RAB11FIP1: variants seen among roughly 807,000 people sequenced by gnomAD.
The protein encoded by RAB11FIP1 is RAB11 family interacting protein 1.
RAB11FIP1 carries 49 observed loss-of-function variants against 83.1 expected under a neutral mutation model. The observed-to-expected ratio is 0.59, with a 90% CI of 0.47 to 0.75. RAB11FIP1 has a LOEUF of 0.75. Ranked by LOEUF, RAB11FIP1 falls within the 30% of genes least tolerant of loss-of-function variation. RAB11FIP1 has a pLI of 0.00. For missense variants in RAB11FIP1, 1,536 were observed against 1,598.7 expected (o/e 0.96, Z 0.67); for synonymous variants, 670 against 656.0 (o/e 1.02, Z -0.33).
chr8:37,896,529 G>T (rs1807094740), intron 1 of RAB11FIP1, among the ~76,000 whole-genome samples: 2 of 152,088 alleles, frequency 1.3e-5, no homozygotes, highest in South Asian at 4.1e-4. Flanking sequence ...CATTTTCCTG[G>T]AAGTCAATAC....
intron 1 of RAB11FIP1, among the ~76,000 whole-genome samples, chr8:37,890,290 C>G (rs2130189007): frequency 6.6e-6 from 1 of 152,238 alleles, no homozygotes; most frequent in South Asian, 2.1e-4. Flanking sequence ...TTTCTAGAGG[C>G]CTTAATTGTT....
intron 1 of RAB11FIP1, among the ~76,000 whole-genome samples, chr8:37,892,323 GTCC>G (rs1166557569): frequency 6.6e-6 from 1 of 152,082 alleles, no homozygotes; most frequent in East Asian, 1.9e-4. Flanking sequence ...CATTTTGTCT[GTCC>G]AATTCTAGGT....
chr8:37,885,985 C>T (rs913716812), intron 1 of RAB11FIP1, among the ~76,000 whole-genome samples: 1 of 152,194 alleles, frequency 6.6e-6, no homozygotes, highest in Non-Finnish European at 1.5e-5. Flanking sequence ...CAGATATTCA[C>T]GATTACGCTG....
At chr8:37,877,084 C>T in intron 2 of RAB11FIP1, 25 bp downstream of exon 2, 1 of 1,552,664 alleles carries the variant, frequency 6.4e-7, no homozygotes, top group Non-Finnish European at 8.9e-7. Context: ...GAAGAGAGGT[C>T]AAGCAGGAAG....
intron 1 of RAB11FIP1, among the ~76,000 whole-genome samples, chr8:37,885,415 A>T (rs1001811659): frequency 1.3e-5 from 2 of 152,134 alleles, no homozygotes; most frequent in Non-Finnish European, 2.9e-5. Flanking sequence ...CAGTCTCCAT[A>T]CCAGAGACAA....
In RAB11FIP1 at chr8:37,875,229, C is replaced by G; in HGVS notation, c.908G>C (p.Gly303Ala). The change falls in exon 3 of 6, where the codon GGT becomes GCT. Residue 303 changes from glycine to alanine, a missense_variant. By Grantham distance (60) the Gly-to-Ala change is moderately conservative. Coordinates refer to ENST00000330843, the MANE Select transcript of RAB11FIP1 (RefSeq NM_001002814.3). ...GACATCATTCTTAGACCGAAGGCCA[C>G]CAAGAAAGGAAAGTCCTTCCTTCTT... ...LPKKEGLSFL[G>A]GLRSKNDVLS... The G allele has an allele frequency of 6.2e-7, 1 of 1,614,036 alleles. No individual in the cohort carries two copies. The highest frequency in any genetic ancestry group is 8.5e-7 in the Non-Finnish European group (1 of 1,179,988).
rs1201057232 is a variant in RAB11FIP1 at position 37,872,524 on chromosome 8, C to T, written c.2278G>A (p.Val760Met). ...RDLESQAGSL[V>M]ESKARDAAEE... The stretch of plus-strand genomic sequence containing the variant: ...GCTGCATCCCTGGCTTTGCTCTCCA[C>T]AAGAGACCCAGCCTGACTCTCCAAG... Residue 760 changes from valine (V) to methionine (M), a missense_variant, in exon 4 of 6, where the codon GTG (valine) becomes ATG (methionine). Val to Met is a conservative substitution (Grantham distance 21, BLOSUM62 1). Coordinates refer to ENST00000330843, the MANE Select transcript of RAB11FIP1 (RefSeq NM_001002814.3). 6 of 1,614,224 alleles carry T rather than the reference C, an allele frequency of 3.7e-6. No homozygotes were observed. Among genetic ancestry groups the T allele is most frequent in the South Asian group, 1.1e-5 (1 of 91,078 alleles).
At chr8:37,897,136 CTG>C (rs1176648590) in intron 1 of RAB11FIP1, among the ~76,000 whole-genome samples, 3 of 152,134 alleles carry the variant, frequency 2.0e-5, no homozygotes, top group African/African-American at 4.8e-5. Flanking sequence ...TAAATTGATG[CTG>C]TGAGATACCC....
intron 1 of RAB11FIP1, among the ~76,000 whole-genome samples, chr8:37,884,782 C>T (rs1343735522): frequency 1.3e-5 from 2 of 152,076 alleles, no homozygotes; most frequent in Non-Finnish European, 2.9e-5. Context: ...CTCCTGACCT[C>T]AAGTGATCTG....
chr8:37,899,316 G>T lies in RAB11FIP1; in HGVS notation c.126C>A (p.Tyr42Ter). 4 of 1,609,610 alleles carry T rather than the reference G, an allele frequency of 2.5e-6. No individual in the cohort carries two copies. Among genetic ancestry groups the T allele is most frequent in the Non-Finnish European group, 3.4e-6 (4 of 1,178,748 alleles). Residue 42 changes from tyrosine to a stop codon, truncating the protein, a stop_gained, in exon 1 of 6, where the codon TAC becomes TAA. Transcript: ENST00000330843. LOFTEE classifies it high-confidence loss of function. The surrounding 1 kb of genome is among the most constrained non-coding windows in gnomAD (Gnocchi z 4.5). ...TCTCCTTGCCCACCTGGATCACCGC[G>T]TACGCGTCGCTCGTGCCCCCGGGGC... ...AKGPGGTSDA[Y>*]AVIQVGKEKY...
chr8:37,871,868 G>A lies in RAB11FIP1; in HGVS notation c.2934C>T (p.Asp978=), dbSNP rs202069601. Residue 978 remains aspartate (D), a synonymous_variant, in exon 4 of 6, where the codon GAC becomes GAT. Transcript: ENST00000330843. ...DDERIDQVED[D]GDQVEDDGET... ...CTCCATCATCTTCAACCTGATCTCC[G>A]TCATCTTCAACCTGATCTATTCTTT... The A allele has an allele frequency of 1.1e-5, 17 of 1,613,982 alleles. No individual in the cohort carries two copies. Among genetic ancestry groups the A allele is most frequent in the African/African-American group, 1.3e-5 (1 of 75,002 alleles).
At position 37,862,267 on chromosome 8, in the gene RAB11FIP1, G is replaced by A. The variant is rs1182831389; in HGVS notation, c.*628C>T. 2 of 152,448 alleles carry A rather than the reference G, an allele frequency of 1.3e-5. No individual in the cohort carries two copies. Among genetic ancestry groups the A allele is most frequent in the East Asian group, 3.9e-4 (2 of 5,192 alleles). The allele number at this position is 152,448 out of a possible 1,614,324, so 9.4% of individuals were successfully genotyped here. A position where few individuals can be genotyped will look rare whatever the true frequency, so the allele number is the denominator to read the frequency against. On this transcript the variant is annotated 3_prime_UTR_variant, in exon 6 of 6. Coordinates refer to ENST00000330843, the MANE Select transcript of RAB11FIP1 (RefSeq NM_001002814.3). ...AGAGAGTAGTAGAAGTCGATGTTTA[G>A]AAAAGGCCGCTTGTTCAAAATCTGA...
intron 5 of RAB11FIP1, among the ~76,000 whole-genome samples, chr8:37,870,140 G>A (rs1183039873): frequency 6.6e-6 from 1 of 151,442 alleles, no homozygotes; most frequent in Non-Finnish European, 1.5e-5. Flanking sequence ...CTATTAAGAA[G>A]GAAAATTTTT....
chr8:37,899,310 C>G lies in RAB11FIP1; in HGVS notation c.132G>C (p.Val44=), dbSNP rs61742592. 1 of 1,609,930 alleles carries G rather than the reference C, an allele frequency of 6.2e-7. No individual in the cohort carries two copies. The highest frequency in any genetic ancestry group is 8.5e-7 in the Non-Finnish European group (1 of 1,178,882). The change falls in exon 1 of 6, where the codon GTG becomes GTC. Residue 44 remains valine (V), a synonymous_variant. Transcript: ENST00000330843. The surrounding 1 kb of genome is among the most constrained non-coding windows in gnomAD (Gnocchi z 4.5). ...CGTACTTCTCCTTGCCCACCTGGATCACCGCGTACGCGTCGCTCGTGCCCC... is the reference window on the plus strand; with the variant it reads ...CGTACTTCTCCTTGCCCACCTGGATGACCGCGTACGCGTCGCTCGTGCCCC... ...GPGGTSDAYA[V]IQVGKEKYAT...
chr8:37,866,689 A>G (rs1806347948), intron 5 of RAB11FIP1, among the ~76,000 whole-genome samples: 1 of 152,176 alleles, frequency 6.6e-6, no homozygotes, highest in South Asian at 2.1e-4. Flanking sequence ...GAAAAAAAAA[A>G]AACACTGTAG....
chr8:37,896,850 G>C (rs1807099492), intron 1 of RAB11FIP1, among the ~76,000 whole-genome samples: 1 of 152,208 alleles, frequency 6.6e-6, no homozygotes, highest in South Asian at 2.1e-4. Context: ...AGTCAGGGCT[G>C]CTGTGGGCAC....
chr8:37,870,737 A>G (rs774290836), intron 4 of RAB11FIP1: 1 of 498,450 alleles, frequency 2.0e-6, no homozygotes, highest in Non-Finnish European at 3.6e-6. Flanking sequence ...CCAGGAAAGC[A>G]TGTCCTTGTC....
chr8:37,884,225 C>T (rs373983277), intron 1 of RAB11FIP1, among the ~76,000 whole-genome samples: 5 of 151,880 alleles, frequency 3.3e-5, no homozygotes, highest in South Asian at 4.2e-4. Context: ...CCACTGCATC[C>T]GGCTAATTTT....
At chr8:37,864,564 G>A (rs1017809225) in intron 5 of RAB11FIP1, among the ~76,000 whole-genome samples, 8 of 152,118 alleles carry the variant, frequency 5.3e-5, no homozygotes, top group East Asian at 1.9e-4. Flanking sequence ...AGTCAGTGAC[G>A]CAAACTGCCT....
Sources: allele counts gnomAD v4.1 joint callset (sites outside exome capture counted in the v4.1 genomes callset), GRCh38; gene constraint gnomAD v4.1.1; non-coding constraint Gnocchi (gnomAD v3.1); transcripts MANE v1.5; gene names NCBI Gene and HGNC (gene_info 2026-07-23, HGNC 2026-07-21).